ARHGAP15: variants seen among roughly 807,000 people sequenced by gnomAD.
The protein encoded by ARHGAP15 is Rho GTPase activating protein 15.
A neutral mutation model predicts 63.7 loss-of-function variants in ARHGAP15; 51 were observed. The observed-to-expected ratio is 0.80, with a 90% CI of 0.64 to 1.01. ARHGAP15 has a LOEUF of 1.01. Ranked by LOEUF, ARHGAP15 falls within the 50% of genes least tolerant of loss-of-function variation. The pLI, the probability that ARHGAP15 is intolerant of heterozygous loss-of-function variation, is 0.00. For synonymous variants in ARHGAP15, 191 were observed against 193.8 expected, an observed-to-expected ratio of 0.99 and a Z score of 0.12; for missense variants, 560 against 564.6, an observed-to-expected ratio of 0.99 and a Z score of 0.08.
chr2:143,630,282 A>G lies in ARHGAP15; in HGVS notation c.1138+6015A>G, dbSNP rs72857985. Among the ~76,000 whole-genome samples the G allele has an allele frequency of 2.9e-3, 447 of 152,240 alleles. 4 individuals carry two copies. Among genetic ancestry groups the G allele is most frequent in the Non-Finnish European group, 5.3e-3 (357 of 67,970 alleles). On this transcript the variant is annotated intron_variant, in intron 12 of 13. Coordinates refer to ENST00000295095, the MANE Select transcript of ARHGAP15 (RefSeq NM_018460.4). The stretch of plus-strand genomic sequence containing the variant: ...ACCCTGCACTCTGATTTCTATGATC[A>G]ATTGCTCAATATCTCCTTTTGAAAT...
intron 10 of ARHGAP15, among the ~76,000 whole-genome samples, chr2:143,538,958 C>G (rs1305660443): frequency 6.6e-6 from 1 of 152,168 alleles, no homozygotes. Context: ...AGGAATGGTA[C>G]CAGTTCCTCC....
At chr2:143,633,242 CCTGT>C (rs1680143053) in intron 12 of ARHGAP15, among the ~76,000 whole-genome samples, 1 of 152,076 alleles carries the variant, frequency 6.6e-6, no homozygotes, top group African/African-American at 2.4e-5. Flanking sequence ...TAATGCCTAG[CCTGT>C]CTCTTAACTC....
intron 2 of ARHGAP15, among the ~76,000 whole-genome samples, chr2:143,159,038 C>A (rs1158844231): frequency 6.6e-6 from 1 of 151,904 alleles, no homozygotes; most frequent in Non-Finnish European, 1.5e-5. Flanking sequence ...GCATTTAATG[C>A]TGGTGTCTTA....
At chr2:143,308,062 C>T (rs1683258945) in intron 6 of ARHGAP15, among the ~76,000 whole-genome samples, 2 of 152,098 alleles carry the variant, frequency 1.3e-5, no homozygotes. Context: ...AAACTTTTAA[C>T]TGTGAGCAAT....
At chr2:143,342,612 C>T (rs2105290164) in intron 6 of ARHGAP15, among the ~76,000 whole-genome samples, 1 of 152,122 alleles carries the variant, frequency 6.6e-6, no homozygotes, top group South Asian at 2.1e-4. Flanking sequence ...TTCCAAAAGG[C>T]TAAAATAAAT....
chr2:143,415,020 A>T (rs897931973), intron 6 of ARHGAP15, among the ~76,000 whole-genome samples: 2 of 152,184 alleles, frequency 1.3e-5, no homozygotes, highest in South Asian at 2.1e-4. Context: ...CCAAAAAGGA[A>T]ACTAACTGCA....
chr2:143,619,448 T>C (rs1353902345), intron 11 of ARHGAP15, among the ~76,000 whole-genome samples: 5 of 152,174 alleles, frequency 3.3e-5, no homozygotes, highest in South Asian at 2.1e-4. Context: ...TAATTCTGTT[T>C]ATAAGCTTTA....
chr2:143,494,590 G>T (rs185741858), intron 9 of ARHGAP15, among the ~76,000 whole-genome samples: 115 of 152,160 alleles, frequency 7.6e-4, no homozygotes, highest in African/African-American at 2.7e-3. Flanking sequence ...GTCTTTAAAT[G>T]ATCAATTTCA....
At chr2:143,749,131 GA>G in intron 13 of ARHGAP15, among the ~76,000 whole-genome samples, 1 of 152,098 alleles carries the variant, frequency 6.6e-6, no homozygotes, top group African/African-American at 2.4e-5. Context: ...CTGTCAAAGA[GA>G]GCTTACCCTA....
At chr2:143,724,195 G>A (rs1288197889) in intron 13 of ARHGAP15, among the ~76,000 whole-genome samples, 1 of 152,128 alleles carries the variant, frequency 6.6e-6, no homozygotes, top group Non-Finnish European at 1.5e-5. Context: ...CCAGTAGCTG[G>A]AGTGGAGAGG....
chr2:143,667,661 CATAATTTGTG>C (rs1682293846), intron 12 of ARHGAP15, among the ~76,000 whole-genome samples: 1 of 149,902 alleles, frequency 6.7e-6, no homozygotes, highest in African/African-American at 2.5e-5. Flanking sequence ...TGCAATTTAT[CATAATTTGTG>C]ATAACTTATT....
chr2:143,172,339 T>C (rs1467084260), intron 2 of ARHGAP15, among the ~76,000 whole-genome samples: 3 of 152,038 alleles, frequency 2.0e-5, no homozygotes, highest in Non-Finnish European at 4.4e-5. Context: ...CACACAGGGC[T>C]TTGCAGTCGA....
chr2:143,763,722 G>A (rs1421052597), intron 13 of ARHGAP15, among the ~76,000 whole-genome samples: 3 of 147,080 alleles, frequency 2.0e-5, no homozygotes, highest in African/African-American at 7.5e-5. Flanking sequence ...GTATGTATAT[G>A]TATGTATATG....
At chr2:143,247,413 A>G (rs564559179) in intron 5 of ARHGAP15, 2 of 152,068 alleles carry the variant, frequency 1.3e-5, no homozygotes, top group East Asian at 3.9e-4. Context: ...CGGTATGTAA[A>G]CCCTTAAAAT....
chr2:143,306,487 TATA>T (rs1272827227), intron 6 of ARHGAP15, among the ~76,000 whole-genome samples: 2 of 152,158 alleles, frequency 1.3e-5, no homozygotes, highest in Admixed American at 6.5e-5. Flanking sequence ...AATAATCATA[TATA>T]ATAATAGACC....
chr2:143,705,303 C>G (rs1684278491), intron 13 of ARHGAP15, among the ~76,000 whole-genome samples: 1 of 151,990 alleles, frequency 6.6e-6, no homozygotes, highest in Non-Finnish European at 1.5e-5. Flanking sequence ...CTTGTCACTC[C>G]CACATACTGG....
intron 6 of ARHGAP15, among the ~76,000 whole-genome samples, chr2:143,322,828 G>A (rs1254021112): frequency 6.6e-6 from 1 of 152,206 alleles, no homozygotes; most frequent in African/African-American, 2.4e-5. Context: ...ATAACTGGGA[G>A]AATGGCTAAG....
intron 13 of ARHGAP15, among the ~76,000 whole-genome samples, chr2:143,711,569 G>A (rs1270146961): frequency 2.0e-5 from 3 of 152,218 alleles, no homozygotes; most frequent in Admixed American, 6.5e-5. Flanking sequence ...GGCAGATTAT[G>A]AGCCTCTAAC....
At chr2:143,298,915 A>T (rs1423545579) in intron 6 of ARHGAP15, among the ~76,000 whole-genome samples, 1 of 151,982 alleles carries the variant, frequency 6.6e-6, no homozygotes, top group Admixed American at 6.6e-5. Context: ...CATAATTGTG[A>T]AGGTCAGAGA....
Sources: gnomAD v4.1 joint callset for allele counts (sites outside exome capture counted in the v4.1 genomes callset) on GRCh38, gnomAD v4.1.1 for gene constraint, MANE v1.5 for transcripts, NCBI Gene and HGNC (gene_info 2026-07-23, HGNC 2026-07-21) for gene names.